Variants in TRHDE observed in about 807,000 individuals in gnomAD.
TRHDE encodes thyrotropin releasing hormone degrading enzyme.
Under a neutral mutation model 125.7 loss-of-function variants are expected in TRHDE, and 72 were observed. The observed-to-expected ratio is 0.57, with a 90% confidence interval of 0.47 to 0.70. The LOEUF is 0.70. Among genes scored for constraint, TRHDE ranks in the 30% least tolerant of loss-of-function variants. The pLI, the probability that TRHDE is intolerant of heterozygous loss-of-function variation, is 0.00. For missense variants in TRHDE, 1,110 were observed against 1,327.1 expected, an observed-to-expected ratio of 0.84 and a Z score of 2.54; for synonymous variants, 509 against 509.1, an observed-to-expected ratio of 1.00 and a Z score of 0.00.
chr12:72,479,076 CTTG>C (rs1466386910), intron 5 of TRHDE, among the ~76,000 whole-genome samples: 1 of 151,886 alleles, frequency 6.6e-6, no homozygotes, highest in African/African-American at 2.4e-5. Flanking sequence ...TTCAGAATGT[CTTG>C]TTGTGGCACT....
In TRHDE at chr12:72,281,337, T is replaced by C. The variant is rs373363059; in HGVS notation, c.915-5344T>C. On this transcript the variant is annotated intron_variant, in intron 1 of 18. Transcript: ENST00000261180. ...CATTTTGCCTTAAAGAATTTAGTCA[T>C]CGAGTAACAATTTGCATTTTGGATT... 5.9e-5 allele frequency among the ~76,000 whole-genome samples: 9 copies of C among 152,298 alleles called. No homozygotes were observed. The East Asian group carries it at 7.7e-4, about 13-fold the overall frequency.
chr12:72,089,732 T>C (rs1469335742), intron 1 of TRHDE, among the ~76,000 whole-genome samples: 1 of 152,216 alleles, frequency 6.6e-6, no homozygotes, highest in Non-Finnish European at 1.5e-5. Context: ...TTACTTTTTA[T>C]TATCACTTCC....
At chr12:72,176,756 G>A (rs75357447) in intron 2 of TRHDE, among the ~76,000 whole-genome samples, 7 of 152,034 alleles carry the variant, frequency 4.6e-5, no homozygotes, top group Admixed American at 3.9e-4. Flanking sequence ...AGATAATAAA[G>A]GAACTTAGAA....
intron 12 of TRHDE, among the ~76,000 whole-genome samples, chr12:72,577,180 AGAGT>A (rs1871035973): frequency 6.6e-6 from 1 of 152,194 alleles, no homozygotes; most frequent in African/African-American, 2.4e-5. Flanking sequence ...AGAAAAAGAG[AGAGT>A]GAGGTGTTGA....
chr12:72,632,341 A>G (rs1873531039), intron 15 of TRHDE, among the ~76,000 whole-genome samples: 1 of 151,994 alleles, frequency 6.6e-6, no homozygotes, highest in Non-Finnish European at 1.5e-5. Flanking sequence ...AGCTGAGTGA[A>G]GAAGCAGTTT....
chr12:72,108,907 C>T (rs959536905), intron 2 of TRHDE, among the ~76,000 whole-genome samples: 1 of 151,960 alleles, frequency 6.6e-6, no homozygotes, highest in African/African-American at 2.4e-5. Flanking sequence ...GGGAGGGAAG[C>T]ATTTGTGTTA....
At chr12:72,337,887 G>A (rs917015403) in intron 2 of TRHDE, among the ~76,000 whole-genome samples, 1 of 151,904 alleles carries the variant, frequency 6.6e-6, no homozygotes, top group Non-Finnish European at 1.5e-5. Flanking sequence ...CCCATTGCAC[G>A]TAATTGGCTG....
intron 5 of TRHDE, among the ~76,000 whole-genome samples, chr12:72,498,438 A>C (rs1878009247): frequency 1.3e-5 from 2 of 152,216 alleles, no homozygotes; most frequent in Admixed American, 1.3e-4. Context: ...ACTAGGAGAC[A>C]CCAGGAGTGA....
intron 2 of TRHDE, among the ~76,000 whole-genome samples, chr12:72,231,099 G>T (rs1422746000): frequency 3.3e-5 from 5 of 151,940 alleles, no homozygotes; most frequent in Admixed American, 6.6e-5. Flanking sequence ...CAGAAATTTA[G>T]CAGATAAGAG....
chr12:72,308,570 T>C lies in TRHDE; in HGVS notation c.1188+21616T>C, dbSNP rs74105316. 6.7e-3 allele frequency among the ~76,000 whole-genome samples: 1,014 copies of C among 152,280 alleles called. 15 individuals carry two copies. The highest frequency in any genetic ancestry group is 0.023 in the African/African-American group (956 of 41,554). On this transcript the variant is annotated intron_variant, in intron 2 of 18. Transcript: ENST00000261180. ...GGACGATTTTTCTTCAATTCTTATC[T>C]ATTCCTGCAGTGTATTACCTTGTCA...
chr12:72,423,820 A>ATCAG (rs376185039), intron 3 of TRHDE, among the ~76,000 whole-genome samples: 140 of 152,156 alleles, frequency 9.2e-4, no homozygotes, highest in African/African-American at 3.0e-3. Context: ...CAGAAGAGGA[A>ATCAG]TCAGAGAGGC....
chr12:72,225,184 CTAG>C (rs528152710), intron 2 of TRHDE, among the ~76,000 whole-genome samples: 217 of 152,160 alleles, frequency 1.4e-3, no homozygotes, highest in Middle Eastern at 0.014. Flanking sequence ...AAGTTTTTTT[CTAG>C]TGATCATGTT....
intron 2 of TRHDE, among the ~76,000 whole-genome samples, chr12:72,201,729 A>G (rs1249302455): frequency 6.6e-6 from 1 of 152,192 alleles, no homozygotes; most frequent in Non-Finnish European, 1.5e-5. Context: ...AGCATGTGCC[A>G]TTAAAGGAAG....
At chr12:72,595,699 C>T (rs1871909905) in intron 12 of TRHDE, among the ~76,000 whole-genome samples, 1 of 152,104 alleles carries the variant, frequency 6.6e-6, no homozygotes, top group Admixed American at 6.5e-5. Flanking sequence ...GAGCAAGTTA[C>T]TAACTTCTCT....
chr12:72,200,428 A>T (rs1877535298), intron 2 of TRHDE, among the ~76,000 whole-genome samples: 1 of 152,228 alleles, frequency 6.6e-6, no homozygotes, highest in African/African-American at 2.4e-5. Flanking sequence ...GTGTTAGAAT[A>T]AACACCTGTT....
chr12:72,612,516 A>T (rs115747564), intron 12 of TRHDE, among the ~76,000 whole-genome samples: 1,676 of 152,248 alleles, frequency 0.011, 27 homozygotes, highest in African/African-American at 0.038. Flanking sequence ...CTGGCTTTGA[A>T]TTCTAGCCCT....
rs868468615 is a variant in TRHDE, at chr12:72,669,929, A to G, written c.*6734A>G. 14 of 151,850 alleles carry G rather than the reference A, an allele frequency of 9.2e-5. No homozygotes were observed. Among genetic ancestry groups the G allele is most frequent in the South Asian group, 6.2e-4 (3 of 4,828 alleles). 9.4% of individuals were successfully genotyped at this position (151,850 alleles called of 1,614,324 possible). On this transcript the variant is annotated 3_prime_UTR_variant, in exon 19 of 19. Coordinates refer to ENST00000261180, the MANE Select transcript of TRHDE (RefSeq NM_013381.3). ...AAAACAGATTAGGGCTGAAAAACTA[A>G]AAAAGATTAGGGCTTGTATTATGCA...
At chr12:72,167,229 A>G (rs1417136057) in intron 2 of TRHDE, among the ~76,000 whole-genome samples, 1 of 152,168 alleles carries the variant, frequency 6.6e-6, no homozygotes, top group Non-Finnish European at 1.5e-5. Context: ...ATGGTAGCAC[A>G]GGTGGATTTC....
chr12:72,503,684 T>G (rs1878245855), intron 6 of TRHDE, among the ~76,000 whole-genome samples: 1 of 152,212 alleles, frequency 6.6e-6, no homozygotes, highest in Admixed American at 6.5e-5. Flanking sequence ...TTTCTTCAGT[T>G]TATTGAATCT....
Sources: allele counts gnomAD v4.1 joint callset (sites outside exome capture counted in the v4.1 genomes callset), GRCh38; gene constraint gnomAD v4.1.1; transcripts MANE v1.5; gene names NCBI Gene and HGNC (gene_info 2026-07-23, HGNC 2026-07-21).